MITF: variants seen among roughly 807,000 people sequenced by gnomAD.
The protein encoded by MITF is microphthalmia-associated transcription factor.
In MITF, 17 loss-of-function variants were observed where a neutral mutation model predicts 60.5. The ratio of observed to expected loss-of-function variants is 0.28; its 90% CI spans 0.19 to 0.42. The LOEUF (loss-of-function observed/expected upper bound fraction) is 0.42, where lower values mean the gene tolerates loss of function less well. Among genes scored for constraint, MITF ranks in the 10% least tolerant of loss-of-function variants. The pLI is 1.00. For missense variants in MITF, 622 were observed against 683.5 expected, an observed-to-expected ratio of 0.91 and a Z score of 1.00; for synonymous variants, 260 against 248.5, an observed-to-expected ratio of 1.05 and a Z score of -0.43.
chr3:69,782,763 C>A (rs1267994320), intron 1 of MITF, among the ~76,000 whole-genome samples: 3 of 152,174 alleles, frequency 2.0e-5, no homozygotes, highest in African/African-American at 4.8e-5. Flanking sequence ...AACCATCAGA[C>A]CTTTCATAAA....
intron 2 of MITF, among the ~76,000 whole-genome samples, chr3:69,926,437 TC>T (rs747215589): frequency 9.8e-5 from 15 of 152,318 alleles, no homozygotes; most frequent in South Asian, 6.2e-4. Flanking sequence ...TGTTTTCATC[TC>T]TGACAAACTT....
intron 1 of MITF, 139 bp from the exon 2 acceptor site, chr3:69,878,995 T>C (rs893347904): frequency 5.6e-6 from 4 of 710,632 alleles, no homozygotes; most frequent in Non-Finnish European, 1.0e-5. Flanking sequence ...TTTTCAATTA[T>C]GTGGAGTACC....
chr3:69,768,583 A>G (rs997067815), intron 1 of MITF, among the ~76,000 whole-genome samples: 3 of 152,226 alleles, frequency 2.0e-5, no homozygotes, highest in African/African-American at 7.2e-5. Context: ...CAGATTAGCC[A>G]TTCTATCTGT....
At chr3:69,938,224 G>A (rs1191153762) in intron 3 of MITF, 175 bp downstream of exon 3, 1 of 1,114,604 alleles carries the variant, frequency 9.0e-7, no homozygotes, top group Non-Finnish European at 1.3e-6. Flanking sequence ...TCCATCGCTG[G>A]GTTATTGGGT....
chr3:69,832,410 T>C (rs1433011437), intron 1 of MITF, among the ~76,000 whole-genome samples: 1 of 152,254 alleles, frequency 6.6e-6, no homozygotes, highest in East Asian at 1.9e-4. Context: ...AAACATCTAC[T>C]ATGTGTTAGA....
At chr3:69,926,305 TA>T (rs2065584903) in intron 2 of MITF, among the ~76,000 whole-genome samples, 1 of 152,202 alleles carries the variant, frequency 6.6e-6, no homozygotes, top group Non-Finnish European at 1.5e-5. Flanking sequence ...GTTGTGTTAT[TA>T]GGAGATGGCT....
chr3:69,862,327 A>G lies in MITF; in HGVS notation c.105-16807A>G, dbSNP rs562028759. On this transcript the variant is annotated intron_variant, in intron 1 of 9. Transcript: ENST00000352241. ...CCATTGGCTGGGATCATAATGAAAC[A>G]TTCCAAGACCAAGTAGATGCTTCTT... Among the ~76,000 whole-genome samples the G allele has an allele frequency of 7.9e-5, 12 of 152,308 alleles. No individual in the cohort carries two copies. The East Asian group carries it at 1.5e-3, about 20-fold the overall frequency.
At chr3:69,794,806 C>A (rs2062801844) in intron 1 of MITF, among the ~76,000 whole-genome samples, 1 of 152,204 alleles carries the variant, frequency 6.6e-6, no homozygotes, top group Non-Finnish European at 1.5e-5. Context: ...TGACCTCAAT[C>A]ACTCTGACTT....
chr3:69,884,852 A>G (rs1315224281), intron 2 of MITF, among the ~76,000 whole-genome samples: 1 of 152,098 alleles, frequency 6.6e-6, no homozygotes, highest in Non-Finnish European at 1.5e-5. Context: ...TTTAGGTTTT[A>G]TCTACTTAAA....
intron 1 of MITF, among the ~76,000 whole-genome samples, chr3:69,835,930 G>T (rs1228061496): frequency 1.3e-5 from 2 of 151,908 alleles, no homozygotes; most frequent in Non-Finnish European, 2.9e-5. Flanking sequence ...TCTTCTTTTT[G>T]CTCAGAATTG....
chr3:69,876,913 GA>G (rs2064367031), intron 1 of MITF, among the ~76,000 whole-genome samples: 1 of 152,126 alleles, frequency 6.6e-6, no homozygotes, highest in Non-Finnish European at 1.5e-5. Flanking sequence ...AAAATACTAT[GA>G]CTTCTTTATA....
chr3:69,825,218 C>CA (rs1466973974), intron 1 of MITF, among the ~76,000 whole-genome samples: 1 of 151,962 alleles, frequency 6.6e-6, no homozygotes, highest in Non-Finnish European at 1.5e-5. Flanking sequence ...GCTTGTGTTG[C>CA]AAAAAACAAG....
intron 1 of MITF, among the ~76,000 whole-genome samples, chr3:69,870,436 A>ATT (rs1211789762): frequency 6.9e-6 from 1 of 144,760 alleles, no homozygotes; most frequent in Non-Finnish European, 1.5e-5. Flanking sequence ...ATATATATAT[A>ATT]TATATTTTTT....
chr3:69,962,461 A>G (rs991054634), intron 9 of MITF, among the ~76,000 whole-genome samples: 7 of 152,170 alleles, frequency 4.6e-5, no homozygotes, highest in African/African-American at 1.2e-4. Context: ...CCAAAGAAGG[A>G]TTTTGCAGAC....
At chr3:69,952,475 A>G (rs941944529) in intron 7 of MITF, among the ~76,000 whole-genome samples, 5 of 152,172 alleles carry the variant, frequency 3.3e-5, no homozygotes, top group African/African-American at 1.2e-4. Context: ...ATGTAAGACA[A>G]GTTGCACAGA....
chr3:69,947,664 G>T (rs2107507210), intron 5 of MITF, among the ~76,000 whole-genome samples: 1 of 152,216 alleles, frequency 6.6e-6, no homozygotes, highest in African/African-American at 2.4e-5. Flanking sequence ...TTTCAAAAAG[G>T]AGCAAAAGAG....
Position 69,939,236 on chromosome 3 carries a change from T to A in MITF, c.666+55T>A, listed in dbSNP as rs888799877. On this transcript the variant is annotated intron_variant, in intron 4 of 9. Transcript: ENST00000352241. ...AACACTTTGTAATGAGAATCTATAT[T>A]TGTGGTGGATCACACCTTCCTGAAA... is the stretch of plus-strand genomic sequence containing the variant. The A allele has an allele frequency of 5.4e-6, 8 of 1,495,140 alleles. No homozygotes were observed. The African/African-American group carries it at 1.1e-4, about 21-fold the overall frequency. The allele number at this position is 1,495,140 out of a possible 1,614,324, so 92.6% of individuals were successfully genotyped here.
At position 69,787,468 on chromosome 3, in the gene MITF, A is replaced by G. The variant is rs560295299; in HGVS notation, c.104+47767A>G. ...TTAACTTGTAAAGGATCTTGTTCCAAGTTCCTCTCTGTTTCTTAGTAGTAC... is the reference window on the plus strand; with the variant it reads ...TTAACTTGTAAAGGATCTTGTTCCAGGTTCCTCTCTGTTTCTTAGTAGTAC... On this transcript the variant is annotated intron_variant, in intron 1 of 9. Transcript: ENST00000352241. 3.3e-5 allele frequency among the ~76,000 whole-genome samples: 5 copies of G among 152,306 alleles called. No homozygotes were observed. The South Asian group carries it at 1.0e-3, about 32-fold the overall frequency.
intron 2 of MITF, among the ~76,000 whole-genome samples, chr3:69,887,574 T>C (rs919675594): frequency 2.0e-5 from 3 of 152,110 alleles, no homozygotes; most frequent in African/African-American, 7.2e-5. Context: ...TAGTAATTTA[T>C]AACTTTATGA....
Sources: allele counts gnomAD v4.1 joint callset (sites outside exome capture counted in the v4.1 genomes callset), GRCh38; gene constraint gnomAD v4.1.1; transcripts MANE v1.5; gene names NCBI Gene and HGNC (gene_info 2026-07-23, HGNC 2026-07-21).